The following HS6ST3 variants were observed in gnomAD, a reference collection of about 807,000 sequenced individuals.
HS6ST3 encodes the protein heparan sulfate 6-O-sulfotransferase 3.
In HS6ST3, 12 loss-of-function variants were observed where a neutral mutation model predicts 36.7. That is an observed-to-expected ratio of 0.33 (90% confidence interval 0.21 to 0.53). The LOEUF is 0.53. Among genes scored for constraint, HS6ST3 ranks in the 20% least tolerant of loss-of-function variants. The probability of loss-of-function intolerance (pLI) is 0.95; values close to 1 mark genes in which losing one functional copy is unlikely to be tolerated. For missense variants in HS6ST3, 584 were observed against 640.9 expected, an observed-to-expected ratio of 0.91 and a Z score of 0.96; for synonymous variants, 240 against 257.5, an observed-to-expected ratio of 0.93 and a Z score of 0.65.
rs141613431 is a variant in HS6ST3 at position 96,688,732 on chromosome 13, A to G, written c.708-143758A>G. Among the ~76,000 whole-genome samples, 11 of 152,190 alleles carry G rather than the reference A, an allele frequency of 7.2e-5. No individual in the cohort carries two copies. The East Asian group carries it at 1.9e-3, about 27-fold the overall frequency. ...ATAATGAAATATATTTATAATCTTC[A>G]TTAAATAAGCTGCCCATCATCATGC... On this transcript the variant is annotated intron_variant, in intron 1 of 1. Transcript: ENST00000376705.
chr13:96,104,727 C>T (rs893010141), intron 1 of HS6ST3, among the ~76,000 whole-genome samples: 29 of 152,194 alleles, frequency 1.9e-4, no homozygotes, highest in African/African-American at 6.8e-4. Flanking sequence ...AACCTGCTTA[C>T]CCTGTCTCAC....
chr13:96,286,227 C>T (rs957284786), intron 1 of HS6ST3, among the ~76,000 whole-genome samples: 10 of 152,038 alleles, frequency 6.6e-5, no homozygotes, highest in African/African-American at 1.7e-4. Context: ...TTAGGCAGTT[C>T]GTTCTCCCCT....
At chr13:96,641,872 G>C (rs1427076828) in intron 1 of HS6ST3, among the ~76,000 whole-genome samples, 2 of 151,574 alleles carry the variant, frequency 1.3e-5, no homozygotes, top group African/African-American at 2.4e-5. Context: ...CAAACTTATA[G>C]GTATTTCATT....
At chr13:96,711,915 A>G (rs1875572290) in intron 1 of HS6ST3, among the ~76,000 whole-genome samples, 1 of 152,230 alleles carries the variant, frequency 6.6e-6, no homozygotes. Context: ...TATGTTCTGC[A>G]TAAAGAATGA....
rs1051027659 is a variant in HS6ST3, at chr13:96,226,989, C to A, written c.707+135420C>A. ...GTGTGCTGCATAAATATTTTTATATCATTTAAAACTGTGGCCTGTAAAATC... is the reference window on the plus strand; with the variant it reads ...GTGTGCTGCATAAATATTTTTATATAATTTAAAACTGTGGCCTGTAAAATC... On this transcript the variant is annotated intron_variant, in intron 1 of 1. Transcript: ENST00000376705. Among the ~76,000 whole-genome samples, 3 of 152,222 alleles carry A rather than the reference C, an allele frequency of 2.0e-5. No individual in the cohort carries two copies. In the East Asian group the frequency reaches 5.8e-4, roughly 29 times the overall value.
chr13:96,269,088 G>T (rs2054707011), intron 1 of HS6ST3, among the ~76,000 whole-genome samples: 2 of 151,902 alleles, frequency 1.3e-5, no homozygotes, highest in South Asian at 4.1e-4. Flanking sequence ...ATTTATAATT[G>T]TTTGTATATA....
chr13:96,220,912 A>G (rs1033631770), intron 1 of HS6ST3, among the ~76,000 whole-genome samples: 1 of 152,200 alleles, frequency 6.6e-6, no homozygotes, highest in East Asian at 1.9e-4. Flanking sequence ...AAATTACTCA[A>G]TTACGCAATT....
intron 1 of HS6ST3, among the ~76,000 whole-genome samples, chr13:96,111,649 G>A (rs1429023537): frequency 6.6e-6 from 1 of 152,154 alleles, no homozygotes; most frequent in Non-Finnish European, 1.5e-5. Flanking sequence ...AGAAGACACA[G>A]GAATATTCTT....
At chr13:96,767,146 C>G (rs1165842487) in intron 1 of HS6ST3, among the ~76,000 whole-genome samples, 2 of 152,224 alleles carry the variant, frequency 1.3e-5, no homozygotes, top group African/African-American at 4.8e-5. Context: ...TATCCGTGAT[C>G]TTTGTGTTTT....
intron 1 of HS6ST3, among the ~76,000 whole-genome samples, chr13:96,154,189 C>T (rs925067800): frequency 1.3e-5 from 2 of 151,904 alleles, no homozygotes; most frequent in African/African-American, 4.8e-5. Context: ...TTAGTGTAAG[C>T]ATCAGTTTTA....
At chr13:96,735,582 C>G (rs1032573731) in intron 1 of HS6ST3, among the ~76,000 whole-genome samples, 1 of 151,972 alleles carries the variant, frequency 6.6e-6, no homozygotes, top group Admixed American at 6.6e-5. Context: ...ATGAAGAGAC[C>G]CAAGATCCTC....
intron 1 of HS6ST3, among the ~76,000 whole-genome samples, chr13:96,438,004 C>T (rs1006336854): frequency 5.3e-5 from 8 of 152,144 alleles, no homozygotes; most frequent in African/African-American, 1.2e-4. Context: ...GAAGGAGTAA[C>T]GCTCTTAACA....
intron 1 of HS6ST3, among the ~76,000 whole-genome samples, chr13:96,783,786 AG>A (rs1051788847): frequency 1.3e-5 from 2 of 152,126 alleles, no homozygotes; most frequent in African/African-American, 4.8e-5. Flanking sequence ...AGAGCCCGGA[AG>A]TGATGTGATC....
chr13:96,796,474 G>A (rs1315135606), intron 1 of HS6ST3, among the ~76,000 whole-genome samples: 1 of 152,098 alleles, frequency 6.6e-6, no homozygotes, highest in East Asian at 1.9e-4. Flanking sequence ...TCAACTTAAT[G>A]AAGTTTTCAA....
At chr13:96,365,496 G>T (rs1458058439) in intron 1 of HS6ST3, among the ~76,000 whole-genome samples, 4 of 151,512 alleles carry the variant, frequency 2.6e-5, no homozygotes, top group Non-Finnish European at 4.4e-5. Context: ...TTTTTTTTCT[G>T]CTCCATCTTA....
intron 1 of HS6ST3, among the ~76,000 whole-genome samples, chr13:96,268,798 CTT>C (rs1250874128): frequency 1.3e-5 from 2 of 151,702 alleles, no homozygotes; most frequent in Non-Finnish European, 2.9e-5. Flanking sequence ...TGCAATATAA[CTT>C]GACATAAAAA....
chr13:96,199,900 T>G (rs1046612033), intron 1 of HS6ST3, among the ~76,000 whole-genome samples: 2 of 152,066 alleles, frequency 1.3e-5, no homozygotes, highest in Non-Finnish European at 2.9e-5. Context: ...AGAATAAGAT[T>G]AAAATTAAAC....
chr13:96,332,182 C>G (rs1456708133), intron 1 of HS6ST3, among the ~76,000 whole-genome samples: 4 of 152,176 alleles, frequency 2.6e-5, no homozygotes, highest in African/African-American at 4.8e-5. Context: ...AGAGCTGTTC[C>G]TATTCGGCCA....
chr13:96,264,290 A>G (rs907746192), intron 1 of HS6ST3, among the ~76,000 whole-genome samples: 2 of 152,142 alleles, frequency 1.3e-5, no homozygotes, highest in African/African-American at 4.8e-5. Context: ...AATGGGTGAG[A>G]TCTCCAGAAT....
Sources: allele counts gnomAD v4.1 joint callset (sites outside exome capture counted in the v4.1 genomes callset), GRCh38; gene constraint gnomAD v4.1.1; transcripts MANE v1.5; gene names NCBI Gene and HGNC (gene_info 2026-07-23, HGNC 2026-07-21).